The following DOCK7 variants were observed in gnomAD, a reference collection of about 807,000 sequenced individuals.
DOCK7 encodes the protein dedicator of cytokinesis 7.
A neutral mutation model predicts 271.0 loss-of-function variants in DOCK7; 138 were observed. That is an observed-to-expected ratio of 0.51 (90% confidence interval 0.44 to 0.59). The LOEUF (loss-of-function observed/expected upper bound fraction) is 0.59. DOCK7 is among the 20% of genes least tolerant of loss of function. The pLI is 0.00. For synonymous variants in DOCK7, 823 were observed against 876.1 expected, an observed-to-expected ratio of 0.94 and a Z score of 1.07; for missense variants, 2,066 against 2,592.4, an observed-to-expected ratio of 0.80 and a Z score of 4.41.
At chr1:62,573,375 TTATGTC>T (rs1177055540) in intron 18 of DOCK7, among the ~76,000 whole-genome samples, 1 of 152,214 alleles carries the variant, frequency 6.6e-6, no homozygotes, top group Non-Finnish European at 1.5e-5. Flanking sequence ...AATACTTGGA[TTATGTC>T]TATGTGCAAG....
At chr1:62,677,775 A>C (rs1660695068) in intron 1 of DOCK7, among the ~76,000 whole-genome samples, 1 of 152,228 alleles carries the variant, frequency 6.6e-6, no homozygotes, top group Admixed American at 6.5e-5. Context: ...GATATCTACA[A>C]AAAGCTGTCA....
At chr1:62,528,366 T>G in intron 30 of DOCK7, 61 bp from the exon 31 acceptor site, 1 of 1,397,184 alleles carries the variant, frequency 7.2e-7, no homozygotes, top group Non-Finnish European at 9.7e-7. Flanking sequence ...TTCCCTTTCC[T>G]ATTCTCCACT....
intron 14 of DOCK7, among the ~76,000 whole-genome samples, chr1:62,601,394 A>G (rs1312617482): frequency 6.6e-6 from 1 of 151,688 alleles, no homozygotes; most frequent in Non-Finnish European, 1.5e-5. Context: ...TATGGACTTG[A>G]TTATTAGATA....
chr1:62,602,242 C>T, intron 14 of DOCK7: 1 of 1,473,028 alleles, frequency 6.8e-7, no homozygotes, highest in Non-Finnish European at 9.5e-7. Flanking sequence ...CATCTGTCAA[C>T]ATAAATCTAC....
chr1:62,578,016 C>T (rs952928287), intron 17 of DOCK7, among the ~76,000 whole-genome samples: 2 of 151,984 alleles, frequency 1.3e-5, no homozygotes, highest in East Asian at 1.9e-4. Context: ...CTCTGCCTCC[C>T]GGGCTCAAGC....
chr1:62,474,154 C>G, intron 47 of DOCK7, 66 bp from the exon 48 acceptor site: 1 of 1,374,504 alleles, frequency 7.3e-7, no homozygotes, highest in Non-Finnish European at 1.0e-6. Flanking sequence ...ACAGAATTTA[C>G]TCAAATGATT....
intron 17 of DOCK7, among the ~76,000 whole-genome samples, chr1:62,577,780 G>A (rs577541610): frequency 1.3e-5 from 2 of 152,298 alleles, no homozygotes; most frequent in African/African-American, 4.8e-5. Context: ...CAAAACTCAT[G>A]TCACAAACTG....
At chr1:62,610,541 C>T (rs1482560186) in intron 14 of DOCK7, among the ~76,000 whole-genome samples, 5 of 151,952 alleles carry the variant, frequency 3.3e-5, no homozygotes, top group Non-Finnish European at 5.9e-5. Flanking sequence ...TAGGTATACA[C>T]GTGGTATGGT....
At chr1:62,625,425 T>A (rs763266096) in intron 11 of DOCK7, 24 bp from the exon 12 acceptor site, 9 of 1,563,604 alleles carry the variant, frequency 5.8e-6, no homozygotes, top group African/African-American at 4.1e-5. Context: ...AAAAAAAAAA[T>A]TCATTTTCAT....
chr1:62,526,056 C>T (rs1219713300), intron 31 of DOCK7, among the ~76,000 whole-genome samples: 1 of 152,170 alleles, frequency 6.6e-6, no homozygotes, highest in East Asian at 1.9e-4. Flanking sequence ...CCCACCTTAG[C>T]TTCCCAGGTA....
At chr1:62,641,991 GT>G (rs200138786) in intron 7 of DOCK7, among the ~76,000 whole-genome samples, 25 of 148,226 alleles carry the variant, frequency 1.7e-4, no homozygotes, top group African/African-American at 5.9e-4. Flanking sequence ...ATGTAACTGG[GT>G]TTTTTTTTAA....
chr1:62,602,172 T>C (rs1322255923), intron 14 of DOCK7: 7 of 854,674 alleles, frequency 8.2e-6, no homozygotes, highest in African/African-American at 6.8e-5. Flanking sequence ...TGCCATAACA[T>C]TAATAAACTA....
intron 29 of DOCK7, among the ~76,000 whole-genome samples, chr1:62,533,231 T>G (rs1267109113): frequency 6.6e-6 from 1 of 152,174 alleles, no homozygotes; most frequent in African/African-American, 2.4e-5. Flanking sequence ...CTTCCAATTT[T>G]GAAATAGTAA....
At chr1:62,604,017 CTAAT>C in intron 14 of DOCK7, 6 of 1,612,936 alleles carry the variant, frequency 3.7e-6, no homozygotes, top group Non-Finnish European at 5.1e-6. Context: ...GTGAAGCAAT[CTAAT>C]TATGTTTTAC....
At chr1:62,620,091 G>A (rs894496344) in intron 12 of DOCK7, 98 bp from the exon 13 acceptor site, 12 of 862,188 alleles carry the variant, frequency 1.4e-5, no homozygotes, top group African/African-American at 8.8e-5. Flanking sequence ...AGGCTGAGGC[G>A]GGCGGATCAT....
chr1:62,588,999 C>T (rs1472571463), intron 14 of DOCK7, among the ~76,000 whole-genome samples: 1 of 152,200 alleles, frequency 6.6e-6, no homozygotes, highest in African/African-American at 2.4e-5. Context: ...ATCTTGGCCT[C>T]CCAAAATGCT....
intron 35 of DOCK7, among the ~76,000 whole-genome samples, chr1:62,507,315 C>G (rs1646971696): frequency 6.6e-6 from 1 of 152,110 alleles, no homozygotes; most frequent in African/African-American, 2.4e-5. Flanking sequence ...TGATTTGAAT[C>G]CTGGCTCTTC....
chr1:62,661,193 T>C (rs1658621002), intron 2 of DOCK7, among the ~76,000 whole-genome samples: 1 of 151,552 alleles, frequency 6.6e-6, no homozygotes, highest in Non-Finnish European at 1.5e-5. Flanking sequence ...AAATACTGTA[T>C]GATTCCACTT....
At chr1:62,455,612 T>C in intron 49 of DOCK7, 156 bp from the exon 50 acceptor site, 1 of 663,962 alleles carries the variant, frequency 1.5e-6, no homozygotes, top group Non-Finnish European at 2.6e-6. Context: ...CTACTCTGCC[T>C]TATATTTTGG....
Sources: allele counts gnomAD v4.1 joint callset (sites outside exome capture counted in the v4.1 genomes callset), GRCh38; gene constraint gnomAD v4.1.1; transcripts MANE v1.5; gene names NCBI Gene and HGNC (gene_info 2026-07-23, HGNC 2026-07-21).